The following MAST4 variants were observed in gnomAD, a reference collection of about 807,000 sequenced individuals.
The protein encoded by MAST4 is microtubule-associated serine/threonine-protein kinase 4.
Under a neutral mutation model 162.7 loss-of-function variants are expected in MAST4, and 89 were observed. The observed-to-expected ratio is 0.55, with a 90% confidence interval of 0.46 to 0.65. The LOEUF is 0.65. Ranked by LOEUF, MAST4 falls within the 30% of genes least tolerant of loss-of-function variation. The probability of loss-of-function intolerance (pLI) is 0.00; values close to 1 mark genes in which losing one functional copy is unlikely to be tolerated. For synonymous variants in MAST4, 1,479 were observed against 1,361.1 expected (o/e 1.09, Z -1.91); for missense variants, 3,153 against 3,374.0 (o/e 0.93, Z 1.62).
chr5:67,074,211 T>A (rs1761322195), intron 5 of MAST4, among the ~76,000 whole-genome samples: 2 of 152,102 alleles, frequency 1.3e-5, no homozygotes, highest in Non-Finnish European at 2.9e-5. Context: ...AAGTTCAACC[T>A]CTTATTAATC....
chr5:66,826,918 C>T (rs1757290745), intron 3 of MAST4, among the ~76,000 whole-genome samples: 1 of 152,168 alleles, frequency 6.6e-6, no homozygotes, highest in African/African-American at 2.4e-5. Context: ...TTCTGTGCTC[C>T]TCTCTCAGGA....
intron 3 of MAST4, chr5:66,828,705 C>A: frequency 7.7e-7 from 1 of 1,306,098 alleles, no homozygotes; most frequent in Non-Finnish European, 1.1e-6. Context: ...TAAGCTGGAC[C>A]AGCTGACTCC....
At chr5:66,914,175 A>C (rs554571934) in intron 4 of MAST4, among the ~76,000 whole-genome samples, 102 of 152,210 alleles carry the variant, frequency 6.7e-4, no homozygotes, top group Non-Finnish European at 1.2e-3. Flanking sequence ...TATTGAAATC[A>C]TATTGAATCC....
chr5:67,159,052 G>T (rs1772883140), intron 26 of MAST4, among the ~76,000 whole-genome samples: 1 of 152,118 alleles, frequency 6.6e-6, no homozygotes, highest in Non-Finnish European at 1.5e-5. Context: ...AACAAAAAAA[G>T]AGAACAATAG....
chr5:66,885,470 A>T (rs1761979349), intron 3 of MAST4, among the ~76,000 whole-genome samples: 2 of 152,230 alleles, frequency 1.3e-5, no homozygotes, highest in Non-Finnish European at 2.9e-5. Flanking sequence ...ATGCAAGATA[A>T]AAAGGGTCTG....
chr5:67,049,685 G>T (rs912313014), intron 4 of MAST4, among the ~76,000 whole-genome samples: 1 of 152,098 alleles, frequency 6.6e-6, no homozygotes. Context: ...CCTCAATGGT[G>T]GTTAGTCTTA....
intron 3 of MAST4, among the ~76,000 whole-genome samples, chr5:66,899,338 C>G (rs1280543479): frequency 2.0e-5 from 3 of 152,000 alleles, no homozygotes; most frequent in Admixed American, 6.6e-5. Flanking sequence ...ATGAAGCACT[C>G]TAATAATTGT....
At chr5:66,672,364 T>A (rs549606193) in intron 1 of MAST4, among the ~76,000 whole-genome samples, 66 of 152,350 alleles carry the variant, frequency 4.3e-4, no homozygotes, top group African/African-American at 1.6e-3. Flanking sequence ...CATAGTCAAT[T>A]TTTATTCTGT....
At chr5:67,127,618 G>A (rs546676975) in intron 14 of MAST4, among the ~76,000 whole-genome samples, 2 of 152,004 alleles carry the variant, frequency 1.3e-5, no homozygotes, top group Non-Finnish European at 2.9e-5. Context: ...GACAACATTT[G>A]TATATCAGTG....
At chr5:66,712,038 AC>A (rs1360453782) in intron 1 of MAST4, among the ~76,000 whole-genome samples, 21 of 152,190 alleles carry the variant, frequency 1.4e-4, no homozygotes, top group African/African-American at 4.3e-4. Context: ...GTGTGAAGAT[AC>A]TATCATTTAT....
intron 4 of MAST4, among the ~76,000 whole-genome samples, chr5:66,972,431 T>G (rs1237549354): frequency 3.3e-5 from 5 of 152,350 alleles, no homozygotes; most frequent in Admixed American, 3.3e-4. Context: ...GGTATTGTTT[T>G]TTTCTCTCCT....
intron 1 of MAST4, among the ~76,000 whole-genome samples, chr5:66,703,876 A>G (rs1749946031): frequency 6.6e-6 from 1 of 152,230 alleles, no homozygotes; most frequent in African/African-American, 2.4e-5. Context: ...CACAAAGATC[A>G]TAACATTTTG....
At chr5:66,665,533 T>C (rs1747197257) in intron 1 of MAST4, among the ~76,000 whole-genome samples, 1 of 152,210 alleles carries the variant, frequency 6.6e-6, no homozygotes, top group East Asian at 1.9e-4. Context: ...AATAACATAT[T>C]TAATAGCAAC....
chr5:66,876,367 T>C (rs1761301028), intron 3 of MAST4, among the ~76,000 whole-genome samples: 1 of 152,126 alleles, frequency 6.6e-6, no homozygotes, highest in South Asian at 2.1e-4. Flanking sequence ...CTTAGGCCTG[T>C]CCATTATGTG....
chr5:66,959,181 C>A, intron 4 of MAST4: 1 of 778,604 alleles, frequency 1.3e-6, no homozygotes, highest in South Asian at 1.3e-5. Flanking sequence ...GGCTCTCTGT[C>A]ATCACCGGGA....
chr5:66,661,493 T>C (rs1484331943), intron 1 of MAST4, among the ~76,000 whole-genome samples: 2 of 152,196 alleles, frequency 1.3e-5, no homozygotes, highest in Non-Finnish European at 2.9e-5. Flanking sequence ...AGATTTATTT[T>C]TTTCCTTTAG....
chr5:67,118,312 C>G (rs1291848919), intron 12 of MAST4, among the ~76,000 whole-genome samples: 1 of 152,218 alleles, frequency 6.6e-6, no homozygotes, highest in African/African-American at 2.4e-5. Flanking sequence ...GTCGGTGCTG[C>G]TTTGATGCCC....
chr5:66,632,679 T>C (rs903856501), intron 1 of MAST4, among the ~76,000 whole-genome samples: 3 of 152,170 alleles, frequency 2.0e-5, no homozygotes, highest in Admixed American at 1.3e-4. Context: ...TATATGTGTG[T>C]TTTATGGCTG....
intron 1 of MAST4, among the ~76,000 whole-genome samples, chr5:66,730,048 T>C (rs1236594324): frequency 6.6e-6 from 1 of 152,168 alleles, no homozygotes; most frequent in African/African-American, 2.4e-5. Context: ...TTTTCTTTTG[T>C]CTTAATGTTA....
Sources: allele counts gnomAD v4.1 joint callset (sites outside exome capture counted in the v4.1 genomes callset), GRCh38; gene constraint gnomAD v4.1.1; transcripts MANE v1.5; gene names NCBI Gene and HGNC (gene_info 2026-07-23, HGNC 2026-07-21).